Variants in TRAPPC9 observed in about 807,000 individuals in gnomAD.
TRAPPC9 encodes the protein IKK2 binding protein.
Under a neutral mutation model 124.0 loss-of-function variants are expected in TRAPPC9, and 83 were observed. The ratio of observed to expected loss-of-function variants is 0.67; its 90% CI spans 0.56 to 0.80. The LOEUF (loss-of-function observed/expected upper bound fraction) is 0.80, where lower values mean the gene tolerates loss of function less well. TRAPPC9 is among the 30% of genes least tolerant of loss of function. The probability of loss-of-function intolerance (pLI) is 0.00; values close to 1 mark genes in which losing one functional copy is unlikely to be tolerated. For missense variants in TRAPPC9, 1,302 were observed against 1,508.3 expected (o/e 0.86, Z 2.27); for synonymous variants, 638 against 617.5 (o/e 1.03, Z -0.49).
At chr8:139,990,862 C>T (rs1837594611) in intron 18 of TRAPPC9, among the ~76,000 whole-genome samples, 1 of 152,072 alleles carries the variant, frequency 6.6e-6, no homozygotes, top group South Asian at 2.1e-4. Flanking sequence ...GTTGGGATTA[C>T]AGGGGTGAGC....
At chr8:140,433,308 G>A (rs1056890132) in intron 4 of TRAPPC9, among the ~76,000 whole-genome samples, 3 of 151,410 alleles carry the variant, frequency 2.0e-5, no homozygotes, top group Non-Finnish European at 4.4e-5. Context: ...CAACACACAG[G>A]CCAGGAGCGG....
chr8:140,423,229 G>C (rs1465573940), intron 5 of TRAPPC9, among the ~76,000 whole-genome samples: 1 of 152,038 alleles, frequency 6.6e-6, no homozygotes, highest in Non-Finnish European at 1.5e-5. Flanking sequence ...CTGAGGTCAG[G>C]AGTTCAGGAC....
chr8:139,887,253 CT>C (rs949257372), intron 20 of TRAPPC9, among the ~76,000 whole-genome samples: 1 of 147,134 alleles, frequency 6.8e-6, no homozygotes, highest in Non-Finnish European at 1.5e-5. Flanking sequence ...CAGAATCTCA[CT>C]CTGTCACCCA....
At chr8:140,289,999 C>G (rs2065602168) in intron 12 of TRAPPC9, among the ~76,000 whole-genome samples, 1 of 152,222 alleles carries the variant, frequency 6.6e-6, no homozygotes, top group East Asian at 1.9e-4. Context: ...AACTGCAACT[C>G]AGCCTGTACT....
chr8:139,847,728 CTGGT>C (rs1454792465), intron 21 of TRAPPC9, among the ~76,000 whole-genome samples: 2,011 of 151,808 alleles, frequency 0.013, 38 homozygotes, highest in African/African-American at 0.045. Flanking sequence ...ACCTGCCCCC[CTGGT>C]GGCCCAGCCT....
chr8:140,036,272 G>C (rs1840871676), intron 17 of TRAPPC9, among the ~76,000 whole-genome samples: 2 of 152,052 alleles, frequency 1.3e-5, no homozygotes, highest in Non-Finnish European at 2.9e-5. Context: ...GACAGACTGG[G>C]GACAAGGCTA....
intron 14 of TRAPPC9, 35 bp downstream of exon 14, chr8:140,283,854 G>C: frequency 6.2e-7 from 1 of 1,613,182 alleles, no homozygotes; most frequent in East Asian, 2.2e-5. Context: ...TGATGCCTCA[G>C]AGCCACTCTG....
chr8:140,230,860 G>A (rs979708012), intron 16 of TRAPPC9, among the ~76,000 whole-genome samples: 2 of 152,218 alleles, frequency 1.3e-5, no homozygotes, highest in Admixed American at 1.3e-4. Context: ...GAGCACTGGG[G>A]ATCGGTCCTG....
At chr8:139,954,181 G>A (rs1834836365) in intron 19 of TRAPPC9, among the ~76,000 whole-genome samples, 2 of 152,206 alleles carry the variant, frequency 1.3e-5, no homozygotes, top group Admixed American at 1.3e-4. Flanking sequence ...GCTTTTGGGG[G>A]TGATGAATAT....
intron 17 of TRAPPC9, among the ~76,000 whole-genome samples, chr8:140,089,495 C>T (rs1370473373): frequency 6.6e-6 from 1 of 152,190 alleles, no homozygotes; most frequent in Non-Finnish European, 1.5e-5. Context: ...TGGCCCCATA[C>T]AAATTTATGC....
chr8:140,137,215 G>A (rs1173614133), intron 17 of TRAPPC9, among the ~76,000 whole-genome samples: 1 of 152,148 alleles, frequency 6.6e-6, no homozygotes, highest in Non-Finnish European at 1.5e-5. Flanking sequence ...AGTATGCCAG[G>A]AGGGCTCACC....
At chr8:140,205,173 A>T (rs566072672) in intron 17 of TRAPPC9, among the ~76,000 whole-genome samples, 1 of 152,374 alleles carries the variant, frequency 6.6e-6, no homozygotes, top group African/African-American at 2.4e-5. Context: ...TGCTGCCTAG[A>T]AAATTCTTAG....
intron 18 of TRAPPC9, among the ~76,000 whole-genome samples, chr8:140,011,958 ATGAGCC>A (rs1240951398): frequency 1.4e-4 from 21 of 152,028 alleles, no homozygotes; most frequent in African/African-American, 4.8e-4. Flanking sequence ...GATTACAGGC[ATGAGCC>A]ACTGCGCCAG....
chr8:139,819,076 C>T (rs911007554), intron 21 of TRAPPC9, among the ~76,000 whole-genome samples: 2 of 152,152 alleles, frequency 1.3e-5, no homozygotes, highest in African/African-American at 4.8e-5. Context: ...GCAGCCACCC[C>T]ACATCGTTTG....
At chr8:139,933,760 T>C (rs1587265861) in intron 19 of TRAPPC9, 1 of 152,258 alleles carries the variant, frequency 6.6e-6, no homozygotes, top group Non-Finnish European at 1.5e-5. Context: ...AATTCATACA[T>C]ATTTGAGATT....
At chr8:140,427,471 G>A (rs1333238931) in intron 4 of TRAPPC9, among the ~76,000 whole-genome samples, 1 of 151,862 alleles carries the variant, frequency 6.6e-6, no homozygotes, top group Admixed American at 6.6e-5. Context: ...AGGTAGCTTT[G>A]TAGTTAGCTT....
At chr8:140,220,627 C>T (rs186768703) in intron 17 of TRAPPC9, among the ~76,000 whole-genome samples, 79 of 152,324 alleles carry the variant, frequency 5.2e-4, no homozygotes, top group Non-Finnish European at 1.0e-3. Context: ...GATAGCACCC[C>T]ATGCTCCTCC....
chr8:140,385,092 G>A (rs2068717216), intron 7 of TRAPPC9, among the ~76,000 whole-genome samples: 1 of 152,176 alleles, frequency 6.6e-6, no homozygotes, highest in African/African-American at 2.4e-5. Context: ...CGAAATGAAG[G>A]CGGAAATAAA....
At chr8:139,953,532 C>T (rs2665920) in intron 19 of TRAPPC9, among the ~76,000 whole-genome samples, 55,320 of 151,984 alleles carry the variant, frequency 0.36, 11,929 homozygotes, top group Non-Finnish European at 0.48. Flanking sequence ...GAAAAAATTT[C>T]CTAGAAAAGA....
Sources: allele counts gnomAD v4.1 joint callset (sites outside exome capture counted in the v4.1 genomes callset), GRCh38; gene constraint gnomAD v4.1.1; transcripts MANE v1.5; gene names NCBI Gene and HGNC (gene_info 2026-07-23, HGNC 2026-07-21).